Variants in TBC1D1 observed in about 807,000 individuals in gnomAD.
The protein encoded by TBC1D1 is TBC1 (tre-2/USP6, BUB2, cdc16) domain family, member 1.
A neutral mutation model predicts 125.6 loss-of-function variants in TBC1D1; 89 were observed. The observed-to-expected ratio is 0.71, with a 90% CI of 0.60 to 0.85. The LOEUF (loss-of-function observed/expected upper bound fraction) is 0.85. TBC1D1 is among the 40% of genes least tolerant of loss of function. TBC1D1 has a pLI of 0.00. For missense variants in TBC1D1, 1,377 were observed against 1,469.2 expected (o/e 0.94, Z 1.03); for synonymous variants, 565 against 564.1 (o/e 1.00, Z -0.02).
At chr4:37,936,961 C>G (rs1294488082) in intron 2 of TBC1D1, among the ~76,000 whole-genome samples, 1 of 152,190 alleles carries the variant, frequency 6.6e-6, no homozygotes, top group Non-Finnish European at 1.5e-5. Context: ...ATTGGACATA[C>G]ATAGGGCAGT....
chr4:38,104,316 A>G (rs989327162), intron 15 of TBC1D1, among the ~76,000 whole-genome samples: 2 of 152,112 alleles, frequency 1.3e-5, no homozygotes, highest in African/African-American at 4.8e-5. Context: ...GGATGACTGT[A>G]TTGGATAGAT....
At chr4:37,892,978 G>A (rs1313017069) in intron 1 of TBC1D1, among the ~76,000 whole-genome samples, 2 of 152,166 alleles carry the variant, frequency 1.3e-5, no homozygotes, top group Admixed American at 6.6e-5. Context: ...AGATGTGGGC[G>A]GGTGGCTTTT....
chr4:38,042,226 T>G (rs1384846676), intron 8 of TBC1D1, among the ~76,000 whole-genome samples: 1 of 151,950 alleles, frequency 6.6e-6, no homozygotes, highest in East Asian at 1.9e-4. Context: ...AGTCATGATA[T>G]CTGATGTTTT....
intron 2 of TBC1D1, among the ~76,000 whole-genome samples, chr4:37,935,358 T>C (rs1249660411): frequency 6.6e-6 from 1 of 152,150 alleles, no homozygotes; most frequent in Non-Finnish European, 1.5e-5. Context: ...TCAACTGAAG[T>C]CATTTTCTCT....
chr4:38,077,055 T>G (rs1344370562), intron 12 of TBC1D1, among the ~76,000 whole-genome samples: 2 of 152,208 alleles, frequency 1.3e-5, no homozygotes, highest in African/African-American at 2.4e-5. Flanking sequence ...TCCTTCTACC[T>G]CTTAGGATGG....
chr4:38,090,984 A>G (rs1758327045), intron 13 of TBC1D1, among the ~76,000 whole-genome samples: 1 of 152,108 alleles, frequency 6.6e-6, no homozygotes, highest in Admixed American at 6.6e-5. Flanking sequence ...TAAGACACCA[A>G]CTCTGAGGAA....
intron 2 of TBC1D1, among the ~76,000 whole-genome samples, chr4:37,974,716 C>A (rs925575883): frequency 6.6e-6 from 1 of 152,130 alleles, no homozygotes; most frequent in Non-Finnish European, 1.5e-5. Context: ...TGCCATCACG[C>A]CTGGCTAATT....
rs1281752761 is a variant in TBC1D1, at chr4:38,115,737, TCTC to T, written c.2586_2588del (p.Ser863del). The T allele has an allele frequency of 6.2e-7, 1 of 1,614,040 alleles. No homozygotes were observed. Among genetic ancestry groups the T allele is most frequent in the Middle Eastern group, 1.6e-4 (1 of 6,082 alleles). On this transcript the variant is annotated inframe_deletion, in exon 16 of 20. Transcript: ENST00000261439. ...CGAACCTTTCCTACACACCCATACT[TCTC>T]TGCCCAGCTTGGAGCAGGACAGCTA...
chr4:38,117,618 T>C (rs754369866), intron 16 of TBC1D1, among the ~76,000 whole-genome samples: 9 of 152,216 alleles, frequency 5.9e-5, no homozygotes, highest in Non-Finnish European at 1.2e-4. Flanking sequence ...TCCTATGGAA[T>C]CATAAGATGC....
At chr4:37,962,542 A>T (rs1305424839) in intron 2 of TBC1D1, among the ~76,000 whole-genome samples, 1 of 152,230 alleles carries the variant, frequency 6.6e-6, no homozygotes, top group African/African-American at 2.4e-5. Context: ...GTTTACTGCC[A>T]TATTTATGTA....
At chr4:38,129,568 T>C (rs1374864060) in intron 18 of TBC1D1, among the ~76,000 whole-genome samples, 3 of 152,100 alleles carry the variant, frequency 2.0e-5, no homozygotes, top group Non-Finnish European at 2.9e-5. Flanking sequence ...GGTATGACAA[T>C]GGGACCAGCA....
At chr4:38,096,278 T>A (rs1306545087) in intron 14 of TBC1D1, among the ~76,000 whole-genome samples, 188 bp downstream of exon 16, 2 of 152,200 alleles carry the variant, frequency 1.3e-5, no homozygotes, top group East Asian at 1.9e-4. Flanking sequence ...TTCCTCTTAA[T>A]TAAAATTCCC....
chr4:38,012,969 A>G (rs1741836375), intron 2 of TBC1D1, among the ~76,000 whole-genome samples: 1 of 151,820 alleles, frequency 6.6e-6, no homozygotes, highest in Non-Finnish European at 1.5e-5. Context: ...AATTTTTTGT[A>G]TTTTTAGTAG....
At chr4:38,062,505 G>A (rs1468846210) in intron 12 of TBC1D1, among the ~76,000 whole-genome samples, 1 of 152,084 alleles carries the variant, frequency 6.6e-6, no homozygotes, top group Admixed American at 6.6e-5. Context: ...TTGCTTTTCT[G>A]TGGTGAACAA....
At chr4:38,019,664 TAATA>T (rs1341984801) in intron 4 of TBC1D1, among the ~76,000 whole-genome samples, 1 of 152,180 alleles carries the variant, frequency 6.6e-6, no homozygotes, top group Admixed American at 6.5e-5. Context: ...ATTGATGTAT[TAATA>T]TTTATGGCAG....
chr4:37,948,157 G>A (rs1009385083), intron 2 of TBC1D1, among the ~76,000 whole-genome samples: 6 of 152,224 alleles, frequency 3.9e-5, no homozygotes, highest in African/African-American at 9.6e-5. Flanking sequence ...CTAGAAGAAC[G>A]GGCAGGTCCA....
intron 2 of TBC1D1, among the ~76,000 whole-genome samples, chr4:37,903,634 G>A (rs896020399): frequency 6.6e-6 from 1 of 152,190 alleles, no homozygotes; most frequent in Non-Finnish European, 1.5e-5. Flanking sequence ...ACTCTCTAGG[G>A]TGTAAGGACC....
intron 2 of TBC1D1, among the ~76,000 whole-genome samples, chr4:37,904,785 C>T (rs1716941679): frequency 6.6e-6 from 1 of 152,188 alleles, no homozygotes. Context: ...TAGGTATATA[C>T]CTCAATCAGT....
chr4:38,133,000 G>A (rs751685487), intron 18 of TBC1D1, 84 bp from the exon 21 acceptor site: 212 of 1,205,878 alleles, frequency 1.8e-4, no homozygotes, highest in Non-Finnish European at 2.3e-4. Context: ...TCACAGGTGC[G>A]CATTGTCGTG....
Sources: gnomAD v4.1 joint callset for allele counts (sites outside exome capture counted in the v4.1 genomes callset) on GRCh38, gnomAD v4.1.1 for gene constraint, MANE v1.5 for transcripts, NCBI Gene and HGNC (gene_info 2026-07-23, HGNC 2026-07-21) for gene names.